Variants in MTAP observed in about 807,000 individuals in gnomAD.
The protein encoded by MTAP is S-methyl-5'-thioadenosine phosphorylase.
Under a neutral mutation model 33.6 loss-of-function variants are expected in MTAP, and 33 were observed. The observed-to-expected ratio is 0.98, with a 90% CI of 0.74 to 1.31. The LOEUF (loss-of-function observed/expected upper bound fraction) is 1.31. MTAP is among the 40% of genes most tolerant of loss of function. The probability of loss-of-function intolerance (pLI) is 0.00; values close to 1 mark genes in which losing one functional copy is unlikely to be tolerated. For missense variants in MTAP, 367 were observed against 360.0 expected (o/e 1.02, Z -0.16); for synonymous variants, 148 against 125.7 (o/e 1.18, Z -1.19).
chr9:21,839,968 T>C (rs558286885), intron 5 of MTAP, among the ~76,000 whole-genome samples: 48 of 152,340 alleles, frequency 3.2e-4, no homozygotes, highest in African/African-American at 1.1e-3. Context: ...GGCTCACGCC[T>C]GTAATCCCAG....
chr9:21,834,120 A>G (rs1825042768), intron 4 of MTAP, among the ~76,000 whole-genome samples: 1 of 152,244 alleles, frequency 6.6e-6, no homozygotes, highest in South Asian at 2.1e-4. Context: ...GATTGGCAGA[A>G]GAAATGTTTA....
At position 21,838,004 on chromosome 9, in the gene MTAP, G is replaced by A. The variant is rs201784017; in HGVS notation, c.444G>A (p.Thr148=). The A allele has an allele frequency of 5.3e-5, 86 of 1,613,426 alleles. No individual in the cohort carries two copies. Among genetic ancestry groups the A allele is most frequent in the Non-Finnish European group, 7.0e-5 (83 of 1,179,490 alleles). ...TGGCTGAGCCGTTTTGCCCCAAAACGAGAGAGGTGTGTAGTCTTTCTGGAA... is the reference window on the plus strand; with the variant it reads ...TGGCTGAGCCGTTTTGCCCCAAAACAAGAGAGGTGTGTAGTCTTTCTGGAA... ...IPMAEPFCPK[T]REVLIETAKK... Residue 148 remains threonine (T), a synonymous_variant, in exon 5 of 8, where the codon ACG becomes ACA. Transcript: ENST00000644715.
At chr9:21,805,985 A>G (rs1031890449) in intron 1 of MTAP, among the ~76,000 whole-genome samples, 1 of 152,220 alleles carries the variant, frequency 6.6e-6, no homozygotes, top group Non-Finnish European at 1.5e-5. Context: ...GTAGGAATGG[A>G]AATCACGGAT....
chr9:21,889,485 G>A (rs1818164703), intron 1 of MTAP, among the ~76,000 whole-genome samples: 1 of 151,880 alleles, frequency 6.6e-6, no homozygotes, highest in African/African-American at 2.4e-5. Flanking sequence ...TACCAGAATT[G>A]TTTCTCTGTT....
intron 5 of MTAP, among the ~76,000 whole-genome samples, chr9:21,843,601 A>G (rs1825304602): frequency 6.6e-6 from 1 of 152,214 alleles, no homozygotes; most frequent in South Asian, 2.1e-4. Context: ...AGAATCCTCA[A>G]AACTATACAA....
chr9:21,819,444 TC>T (rs1456405136), intron 4 of MTAP, among the ~76,000 whole-genome samples: 1 of 152,220 alleles, frequency 6.6e-6, no homozygotes, highest in Non-Finnish European at 1.5e-5. Flanking sequence ...TCCAGCTTCA[TC>T]CATGTCCCTA....
At position 21,854,750 on chromosome 9, in the gene MTAP, G is replaced by A. The variant is rs1825596756; in HGVS notation, c.570G>A (p.Gly190=). Residue 190 remains glycine (G), a synonymous_variant, in exon 6 of 8, where the codon GGG becomes GGA. Coordinates refer to ENST00000644715, the MANE Select transcript of MTAP (RefSeq NM_002451.4). ...AAAGCTTCATGTTCCGCACCTGGGG[G>A]GCGGATGTTATCAACATGACCACAG... ...RAESFMFRTW[G]ADVINMTTVP... The A allele has an allele frequency of 6.2e-7, 1 of 1,614,164 alleles. No individual in the cohort carries two copies. The highest frequency in any genetic ancestry group is 8.5e-7 in the Non-Finnish European group (1 of 1,180,000).
chr9:21,893,995 TACTC>T (rs1380557245), intron 1 of MTAP: 1 of 150,574 alleles, frequency 6.6e-6, no homozygotes, highest in Admixed American at 6.6e-5. Flanking sequence ...TATACAAAAA[TACTC>T]AACAAAATGC....
intron 1 of MTAP, among the ~76,000 whole-genome samples, chr9:21,813,088 CAA>C (rs1424975742): frequency 6.6e-6 from 1 of 152,192 alleles, no homozygotes; most frequent in Non-Finnish European, 1.5e-5. Context: ...CTTAGAGACT[CAA>C]AGGAATGTGG....
intron 5 of MTAP, among the ~76,000 whole-genome samples, chr9:21,854,319 G>T (rs539175783): frequency 2.0e-5 from 3 of 152,328 alleles, no homozygotes; most frequent in African/African-American, 7.2e-5. Context: ...TCTTAAAGTT[G>T]TTAAGAAGCA....
At chr9:21,817,813 A>G (rs1824522894) in intron 3 of MTAP, among the ~76,000 whole-genome samples, 1 of 152,106 alleles carries the variant, frequency 6.6e-6, no homozygotes, top group Admixed American at 6.5e-5. Flanking sequence ...GGTCCTCACT[A>G]GGGTCTGTCT....
chr9:21,862,564 G>A lies in MTAP; in HGVS notation c.*550G>A, dbSNP rs1374929100. On this transcript the variant is annotated 3_prime_UTR_variant, in exon 8 of 8. Coordinates refer to ENST00000644715, the MANE Select transcript of MTAP (RefSeq NM_002451.4). The stretch of plus-strand genomic sequence containing the variant: ...TATATAAAGAAGGGTGTTTAATAAT[G>A]ATAGTTATAATAATAAATAATTGAA... The A allele has an allele frequency of 6.6e-6, 1 of 152,124 alleles. No individual in the cohort carries two copies. The highest frequency in any genetic ancestry group is 1.5e-5 in the Non-Finnish European group (1 of 68,052). The allele number at this position is 152,124 out of a possible 1,614,324, so 9.4% of individuals were successfully genotyped here.
At chr9:21,832,559 C>A (rs559022253) in intron 4 of MTAP, among the ~76,000 whole-genome samples, 6 of 152,310 alleles carry the variant, frequency 3.9e-5, no homozygotes, top group African/African-American at 1.2e-4. Context: ...TCTTCACCTT[C>A]CTTCACCTTC....
In MTAP at chr9:21,915,202, C is replaced by T. The variant is rs75214082; in HGVS notation, c.148-15806C>T. ...CTCCTGGGTTCATGCCATTCTCCTG[C>T]CTCAGCCTCTTGTGTAGCTGGGACT... On this transcript the variant is annotated intron_variant, in intron 1 of 1. Transcript: ENST00000577563. 7.2e-5 allele frequency among the ~76,000 whole-genome samples: 11 copies of T among 151,788 alleles called. No homozygotes were observed. The East Asian group carries it at 1.9e-3, about 27-fold the overall frequency.
chr9:21,879,054 G>A (rs1001180471), intron 1 of MTAP, among the ~76,000 whole-genome samples: 5 of 152,174 alleles, frequency 3.3e-5, no homozygotes, highest in Admixed American at 6.6e-5. Flanking sequence ...GGAGAGTTCT[G>A]TAGAGGTCTA....
At chr9:21,854,321 T>A (rs2118508954) in intron 5 of MTAP, among the ~76,000 whole-genome samples, 1 of 152,308 alleles carries the variant, frequency 6.6e-6, no homozygotes, top group South Asian at 2.1e-4. Flanking sequence ...TTAAAGTTGT[T>A]AAGAAGCAAA....
At chr9:21,926,101 A>G (rs1818865466) in intron 1 of MTAP, among the ~76,000 whole-genome samples, 1 of 152,190 alleles carries the variant, frequency 6.6e-6, no homozygotes, top group African/African-American at 2.4e-5. Flanking sequence ...ACACACAAGG[A>G]TGAACTTCCC....
In MTAP at chr9:21,833,843, T is replaced by C. The variant is rs7037355; in HGVS notation, c.348-4065T>C. Among the ~76,000 whole-genome samples the C allele has an allele frequency of 3.9e-3, 587 of 152,340 alleles. 4 individuals are homozygous for C. Among genetic ancestry groups the C allele is most frequent in the African/African-American group, 0.013 (553 of 41,582 alleles). On this transcript the variant is annotated intron_variant, in intron 4 of 7. Transcript: ENST00000644715. ...TAACTAACAGCTATCTTCAAGCCAATGTAAGAGTCTTGATTCAAGAAACAA... is the reference window on the plus strand; with the variant it reads ...TAACTAACAGCTATCTTCAAGCCAACGTAAGAGTCTTGATTCAAGAAACAA...
intron 1 of MTAP, among the ~76,000 whole-genome samples, chr9:21,900,600 G>A (rs10118285): frequency 0.048 from 7,337 of 152,154 alleles, 599 homozygotes; most frequent in African/African-American, 0.17. Flanking sequence ...TGTGGAAAGC[G>A]GTTTGGAGAT....
Sources: allele counts gnomAD v4.1 joint callset (sites outside exome capture counted in the v4.1 genomes callset), GRCh38; gene constraint gnomAD v4.1.1; transcripts MANE v1.5; gene names NCBI Gene and HGNC (gene_info 2026-07-23, HGNC 2026-07-21).